Variants in UBAP1 observed in about 807,000 individuals in gnomAD.
UBAP1 encodes ubiquitin-associated protein 1.
A neutral mutation model predicts 39.0 loss-of-function variants in UBAP1; 5 were observed. The ratio of observed to expected loss-of-function variants is 0.13; its 90% CI spans 0.07 to 0.27. The LOEUF is 0.27. Among genes scored for constraint, UBAP1 ranks in the 10% least tolerant of loss-of-function variants. UBAP1 has a pLI of 1.00. For synonymous variants in UBAP1, 211 were observed against 225.1 expected (o/e 0.94, Z 0.56); for missense variants, 490 against 608.1 (o/e 0.81, Z 2.04).
intron 1 of UBAP1, among the ~76,000 whole-genome samples, chr9:34,199,745 C>G (rs1310268825): frequency 6.6e-6 from 1 of 151,588 alleles, no homozygotes; most frequent in African/African-American, 2.4e-5. Flanking sequence ...AGGTGATCCT[C>G]CTGCCTCAGC....
intron 1 of UBAP1, among the ~76,000 whole-genome samples, chr9:34,216,207 T>TA (rs547114882): frequency 0.013 from 2,009 of 151,122 alleles, 25 homozygotes; most frequent in Admixed American, 0.034. Context: ...TAATTTAATT[T>TA]AAAAAAAAAC....
intron 2 of UBAP1, chr9:34,224,419 C>G (rs149956722): frequency 4.9e-6 from 2 of 404,092 alleles, no homozygotes; most frequent in South Asian, 6.1e-5. Context: ...GCAAATACAA[C>G]GCTGAGCCCC....
intron 1 of UBAP1, among the ~76,000 whole-genome samples, chr9:34,181,768 A>T (rs1346718038): frequency 1.3e-5 from 2 of 149,726 alleles, no homozygotes; most frequent in Admixed American, 1.3e-4. Context: ...AAAGGAAAAA[A>T]ATTAAACTCT....
chr9:34,239,424 A>T (rs985703427), intron 3 of UBAP1, among the ~76,000 whole-genome samples: 1 of 152,234 alleles, frequency 6.6e-6, no homozygotes, highest in Non-Finnish European at 1.5e-5. Context: ...TCAGACCTAG[A>T]GCTCTAGACA....
chr9:34,211,778 C>T (rs995908730), intron 1 of UBAP1, among the ~76,000 whole-genome samples: 5 of 151,856 alleles, frequency 3.3e-5, no homozygotes, highest in African/African-American at 1.2e-4. Flanking sequence ...GCTCCTCCTT[C>T]TCTCCCTGCA....
chr9:34,250,830 C>T (rs1834458818), intron 6 of UBAP1, 71 bp downstream of exon 6: 1 of 1,327,418 alleles, frequency 7.5e-7, no homozygotes, highest in African/African-American at 1.4e-5. Context: ...GGTTTTCTCC[C>T]TTGGCCCACA....
intron 1 of UBAP1, among the ~76,000 whole-genome samples, chr9:34,193,301 A>G (rs945909112): frequency 5.3e-5 from 8 of 151,878 alleles, no homozygotes; most frequent in Non-Finnish European, 8.8e-5. Context: ...ACAGAGTGAG[A>G]CTCTGTCTCA....
At chr9:34,195,575 G>A (rs1459312725) in intron 1 of UBAP1, among the ~76,000 whole-genome samples, 2 of 151,352 alleles carry the variant, frequency 1.3e-5, no homozygotes, top group Admixed American at 6.6e-5. Flanking sequence ...AAGTTGTTAC[G>A]ACTGTAGAGC....
At chr9:34,210,370 T>TA (rs1831946780) in intron 1 of UBAP1, among the ~76,000 whole-genome samples, 1 of 152,216 alleles carries the variant, frequency 6.6e-6, no homozygotes, top group Non-Finnish European at 1.5e-5. Context: ...TCTTCACAGT[T>TA]ACGTTCTTAA....
intron 1 of UBAP1, among the ~76,000 whole-genome samples, chr9:34,189,797 C>T (rs575463983): frequency 1.3e-5 from 2 of 151,594 alleles, no homozygotes; most frequent in East Asian, 2.0e-4. Flanking sequence ...CCACCATGCT[C>T]GATTAATTTT....
chr9:34,225,779 TA>T (rs761018796), intron 2 of UBAP1, among the ~76,000 whole-genome samples: 394 of 124,366 alleles, frequency 3.2e-3, no homozygotes, highest in Middle Eastern at 0.012. Context: ...GACGCCATCT[TA>T]AAAAAAAAAA....
Position 34,182,715 on chromosome 9 carries a change from C to T in UBAP1, c.-8+3475C>T, listed in dbSNP as rs182248766. ...TCTTTCTTTTCTTTTCTTTCTCTCT[C>T]TTTCTCTCTCTCCTTTCTTTCTTTT... On this transcript the variant is annotated intron_variant, in intron 1 of 6. Transcript: ENST00000297661. Among the ~76,000 whole-genome samples, 4 of 137,170 alleles carry T rather than the reference C, an allele frequency of 2.9e-5. 1 individual carries two copies. In the East Asian group the frequency reaches 8.8e-4, roughly 30 times the overall value. 90.0% of individuals were successfully genotyped at this position (137,170 alleles called of 152,430 possible).
intron 1 of UBAP1, among the ~76,000 whole-genome samples, chr9:34,205,949 G>A (rs977438813): frequency 3.3e-5 from 5 of 152,166 alleles, no homozygotes; most frequent in Admixed American, 6.5e-5. Context: ...CCAAGATCGT[G>A]CCACTGCACT....
At position 34,202,639 on chromosome 9, in the gene UBAP1, G is replaced by C. The variant is rs1389189934; in HGVS notation, c.-7-18269G>C. Among the ~76,000 whole-genome samples the C allele has an allele frequency of 1.0e-3, 136 of 129,764 alleles. 3 individuals carry two copies. In the South Asian group the frequency reaches 0.011, roughly 10 times the overall value. 85.1% of individuals were successfully genotyped at this position (129,764 alleles called of 152,430 possible). On this transcript the variant is annotated intron_variant, in intron 1 of 6. Coordinates refer to ENST00000297661, the MANE Select transcript of UBAP1 (RefSeq NM_016525.5). ...TAGACAGAAACGTGTGTGTGTGTGT[G>C]TGTGTGTGTGTGTGTGTGTGTGTGT... is the stretch of plus-strand genomic sequence containing the variant.
chr9:34,180,927 C>T (rs1017186881), intron 1 of UBAP1, among the ~76,000 whole-genome samples: 2 of 149,428 alleles, frequency 1.3e-5, no homozygotes, highest in Non-Finnish European at 1.5e-5. Flanking sequence ...TGTCCTGCCT[C>T]AGCCTCCCGA....
intron 1 of UBAP1, among the ~76,000 whole-genome samples, chr9:34,187,033 G>A (rs1247200074): frequency 1.3e-5 from 2 of 151,974 alleles, no homozygotes; most frequent in African/African-American, 2.4e-5. Flanking sequence ...TCAGCCTCCC[G>A]AGTAGCTGGG....
intron 4 of UBAP1, among the ~76,000 whole-genome samples, chr9:34,248,971 T>C (rs1317091196): frequency 6.6e-6 from 1 of 152,170 alleles, no homozygotes; most frequent in Non-Finnish European, 1.5e-5. Context: ...TTGGGCTTGA[T>C]TTGTGATCAG....
intron 6 of UBAP1, 197 bp downstream of exon 6, chr9:34,250,956 GAAA>G: frequency 1.7e-6 from 1 of 588,678 alleles, no homozygotes; most frequent in Non-Finnish European, 3.1e-6. Context: ...GCATTGGGTT[GAAA>G]ACTTCAGAAT....
chr9:34,195,181 G>T (rs1291453583), intron 1 of UBAP1, among the ~76,000 whole-genome samples: 4 of 147,348 alleles, frequency 2.7e-5, no homozygotes, highest in Non-Finnish European at 6.0e-5. Flanking sequence ...AGAAGTTTTT[G>T]ATTTCATTGA....
Sources: allele counts gnomAD v4.1 joint callset (sites outside exome capture counted in the v4.1 genomes callset), GRCh38; gene constraint gnomAD v4.1.1; transcripts MANE v1.5; gene names NCBI Gene and HGNC (gene_info 2026-07-23, HGNC 2026-07-21).